SHISA6: variants seen among roughly 807,000 people sequenced by gnomAD.
The protein encoded by SHISA6 is shisa family member 6, also known as protein shisa-6.
SHISA6 carries 22 observed loss-of-function variants against 47.9 expected under a neutral mutation model. The observed-to-expected ratio is 0.46, with a 90% CI of 0.33 to 0.66. The LOEUF (loss-of-function observed/expected upper bound fraction) is 0.66, where lower values mean the gene tolerates loss of function less well. SHISA6 is among the 30% of genes least tolerant of loss of function. SHISA6 has a pLI of 0.02. For synonymous variants in SHISA6, 388 were observed against 337.8 expected, an observed-to-expected ratio of 1.15 and a Z score of -1.63; for missense variants, 680 against 764.6, an observed-to-expected ratio of 0.89 and a Z score of 1.30.
intron 3 of SHISA6, among the ~76,000 whole-genome samples, chr17:11,454,701 G>C (rs1289457322): frequency 6.6e-6 from 1 of 152,136 alleles, no homozygotes; most frequent in Non-Finnish European, 1.5e-5. Flanking sequence ...TTTCTCAAAG[G>C]CCCTTCATGT....
rs140359050 is a variant in SHISA6, at chr17:11,464,798, C to T, written c.895+85289C>T. On this transcript the variant is annotated intron_variant, in intron 3 of 5. Transcript: ENST00000441885. ...TCTCTACTAAAATACAAAAATTAGC[C>T]GGGAGTGGTGGCGGGTGCCTGTAAT... 1.8e-3 allele frequency among the ~76,000 whole-genome samples: 279 copies of T among 152,080 alleles called. 1 individual carries two copies. Among genetic ancestry groups the T allele is most frequent in the African/African-American group, 6.1e-3 (254 of 41,492 alleles).
At chr17:11,285,035 CAT>C (rs1422167060) in intron 2 of SHISA6, among the ~76,000 whole-genome samples, 1 of 152,204 alleles carries the variant, frequency 6.6e-6, no homozygotes, top group African/African-American at 2.4e-5. Flanking sequence ...CTTGCTAACA[CAT>C]GTGTCTTTTG....
chr17:11,287,547 C>T (rs1217627133), intron 2 of SHISA6, among the ~76,000 whole-genome samples: 1 of 148,778 alleles, frequency 6.7e-6, no homozygotes, highest in African/African-American at 2.5e-5. Context: ...GTGGTATGCA[C>T]CTGAGGTCCC....
In SHISA6 at chr17:11,360,195, T is replaced by C. The variant is rs185284686; in HGVS notation, c.800-19219T>C. Among the ~76,000 whole-genome samples the C allele has an allele frequency of 1.7e-3, 264 of 152,278 alleles. 1 individual carries two copies. The highest frequency in any genetic ancestry group is 5.6e-4 in the Non-Finnish European group (38 of 68,028). ...CATGGATGAAGCTGGAAGCCATCAT[T>C]CTCAGCAAACTAATACGGGAACAGA... On this transcript the variant is annotated intron_variant, in intron 2 of 5. Transcript: ENST00000441885.
chr17:11,531,316 A>G (rs2071731068), intron 3 of SHISA6, among the ~76,000 whole-genome samples: 4 of 150,944 alleles, frequency 2.6e-5, no homozygotes, highest in South Asian at 4.2e-4. Context: ...ACATTTTTCT[A>G]TGATGCCATT....
intron 2 of SHISA6, among the ~76,000 whole-genome samples, chr17:11,302,086 G>A (rs1043299361): frequency 2.0e-5 from 3 of 152,124 alleles, no homozygotes; most frequent in Non-Finnish European, 1.5e-5. Flanking sequence ...AGGAAAGACC[G>A]GCCCCCATGA....
intron 3 of SHISA6, among the ~76,000 whole-genome samples, chr17:11,384,470 C>T (rs1002857027): frequency 6.6e-6 from 1 of 152,250 alleles, no homozygotes; most frequent in Non-Finnish European, 1.5e-5. Context: ...ATGAATACCC[C>T]TATGGAAACC....
chr17:11,558,257 G>A lies in SHISA6; in HGVS notation c.1609G>A (p.Gly537Ser). 2 of 1,539,774 alleles carry A rather than the reference G, an allele frequency of 1.3e-6. No individual in the cohort carries two copies. Among genetic ancestry groups the A allele is most frequent in the East Asian group, 4.9e-5 (2 of 40,898 alleles). Residue 537 changes from glycine (G) to serine (S), a missense_variant, in exon 6 of 6, where the codon GGC (glycine) becomes AGC (serine). By Grantham distance (56) the Gly-to-Ser change is moderately conservative. Around this residue, in one of 2 missense-constraint regions of SHISA6, gnomAD observed 559 missense variants for 674.1 expected, o/e 0.83. Transcript: ENST00000441885. ...NTVEQLHYIP[G>S]HHTCYTASKT... ...GGTGGAGCAGCTGCACTACATCCCG[G>A]GCCACCACACCTGCTACACAGCCAG...
intron 2 of SHISA6, among the ~76,000 whole-genome samples, chr17:11,278,039 G>A (rs7209973): frequency 0.48 from 73,664 of 152,002 alleles, 18,943 homozygotes; most frequent in African/African-American, 0.64. Context: ...TCACAGTGTG[G>A]CCCACAAGGG....
chr17:11,353,178 G>T (rs1911948816), intron 2 of SHISA6, among the ~76,000 whole-genome samples: 1 of 152,184 alleles, frequency 6.6e-6, no homozygotes, highest in Admixed American at 6.5e-5. Context: ...GAGAACACGG[G>T]CCGGGCACGG....
intron 3 of SHISA6, among the ~76,000 whole-genome samples, chr17:11,389,886 C>G (rs781372700): frequency 5.3e-5 from 8 of 152,242 alleles, no homozygotes; most frequent in Non-Finnish European, 1.2e-4. Flanking sequence ...GAAAGCTAAG[C>G]TATGGGGCTA....
At chr17:11,404,005 G>C (rs1465212181) in intron 3 of SHISA6, among the ~76,000 whole-genome samples, 1 of 152,106 alleles carries the variant, frequency 6.6e-6, no homozygotes, top group Non-Finnish European at 1.5e-5. Context: ...TCTCACACCT[G>C]CTGTCTTATT....
At chr17:11,305,881 T>C (rs1910093102) in intron 2 of SHISA6, among the ~76,000 whole-genome samples, 1 of 152,204 alleles carries the variant, frequency 6.6e-6, no homozygotes, top group South Asian at 2.1e-4. Context: ...GGCCAGGCTC[T>C]GATTTTATTA....
At chr17:11,398,751 C>G (rs1468737943) in intron 3 of SHISA6, among the ~76,000 whole-genome samples, 1 of 152,024 alleles carries the variant, frequency 6.6e-6, no homozygotes, top group African/African-American at 2.4e-5. Context: ...TGCCACCACG[C>G]CCAGCTAATT....
intron 3 of SHISA6, among the ~76,000 whole-genome samples, chr17:11,531,086 T>C (rs2142371219): frequency 6.6e-6 from 1 of 152,208 alleles, no homozygotes; most frequent in South Asian, 2.1e-4. Context: ...TGTGCAGTAT[T>C]GATAAACAAA....
chr17:11,419,366 T>C (rs1223978193), intron 3 of SHISA6, among the ~76,000 whole-genome samples: 3 of 151,944 alleles, frequency 2.0e-5, no homozygotes, highest in South Asian at 2.1e-4. Flanking sequence ...TGTGATTAAG[T>C]CACTAGGTTT....
intron 2 of SHISA6, among the ~76,000 whole-genome samples, chr17:11,307,441 C>CT (rs756996600): frequency 5.3e-5 from 8 of 152,168 alleles, no homozygotes; most frequent in African/African-American, 9.7e-5. Flanking sequence ...AATTCTCCAG[C>CT]TTATCGGAAG....
chr17:11,535,842 TCAAA>T, intron 3 of SHISA6, among the ~76,000 whole-genome samples: 1 of 152,206 alleles, frequency 6.6e-6, no homozygotes, highest in East Asian at 1.9e-4. Flanking sequence ...CCAAATTACT[TCAAA>T]CAATGTCCAA....
chr17:11,253,018 G>C (rs1907873039), intron 1 of SHISA6, among the ~76,000 whole-genome samples: 1 of 152,226 alleles, frequency 6.6e-6, no homozygotes, highest in Non-Finnish European at 1.5e-5. Context: ...CCAGCCTCAA[G>C]CATTCGCGAA....
Sources: allele counts gnomAD v4.1 joint callset (sites outside exome capture counted in the v4.1 genomes callset), GRCh38; gene constraint gnomAD v4.1.1; regional missense constraint gnomAD v4.1.1; transcripts MANE v1.5; gene names NCBI Gene and HGNC (gene_info 2026-07-23, HGNC 2026-07-21).